The following SIRT7 variants were observed in gnomAD, a reference collection of about 807,000 sequenced individuals.
SIRT7 encodes sirtuin 7, also known as NAD-dependent protein deacetylase sirtuin-7.
Under a neutral mutation model 42.8 loss-of-function variants are expected in SIRT7, and 32 were observed. The ratio of observed to expected loss-of-function variants is 0.75; its 90% CI spans 0.56 to 1.00. The LOEUF is 1.00. Among genes scored for constraint, SIRT7 ranks in the 50% least tolerant of loss-of-function variants. The pLI, the probability that SIRT7 is intolerant of heterozygous loss-of-function variation, is 0.00. For synonymous variants in SIRT7, 297 were observed against 245.2 expected (o/e 1.21, Z -1.97); for missense variants, 553 against 572.2 (o/e 0.97, Z 0.34).
rs2040730551 is a variant in SIRT7, at chr17:81,913,346, A to C, written c.1004+428T>G. 2 of 451,180 alleles carry C rather than the reference A, an allele frequency of 4.4e-6. No individual in the cohort carries two copies. Among genetic ancestry groups the C allele is most frequent in the African/African-American group, 4.0e-5 (2 of 49,716 alleles). The allele number at this position is 451,180 out of a possible 1,614,324, so 27.9% of individuals were successfully genotyped here. ...AAACTTTTTACTCAATACATACACC[A>C]AGTCTAAATTATCACAAATTCTGTA... On this transcript the variant is annotated intron_variant, in intron 9 of 9. Coordinates refer to ENST00000328666, the MANE Select transcript of SIRT7 (RefSeq NM_016538.3). This position sits in a 1 kb window ranked among gnomAD's most constrained non-coding sequence, Gnocchi z 5.0.
Position 81,914,436 on chromosome 17 carries a change from C to A in SIRT7, c.674G>T (p.Cys225Phe). 1 of 1,612,786 alleles carries A rather than the reference C, an allele frequency of 6.2e-7. No individual in the cohort carries two copies. Among genetic ancestry groups the A allele is most frequent in the South Asian group, 1.1e-5 (1 of 91,076 alleles). The change falls in exon 7 of 10, where the codon TGC (cysteine) becomes TTC (phenylalanine). Residue 225 changes from cysteine to phenylalanine, a missense_variant. Physicochemically the swap from Cys to Phe is radical, Grantham distance 205 (BLOSUM62 -2). Coordinates refer to ENST00000328666, the MANE Select transcript of SIRT7 (RefSeq NM_016538.3). ...CCGCAGCTGGGTCCCACACTTGTGG[C>A]AGGTCCGGCCTGTCTGGTGTCTGTG... ...ALHRHQTGRT[C>F]HKCGTQLRDT...
At chr17:81,912,883 C>A in intron 9 of SIRT7, 1 of 528,002 alleles carries the variant, frequency 1.9e-6, no homozygotes, top group South Asian at 2.0e-5. Flanking sequence ...CACCACTGAG[C>A]GGCGTGCACA....
chr17:81,912,518 G>A lies in SIRT7; in HGVS notation c.1101C>T (p.Ala367=), dbSNP rs2040695036. ...RKSLCRSREE[A]PPGDRGAPLS... is the part of the protein sequence containing the mutation. ...GCGGTGCACCCCGGTCCCCAGGCGG[G>A]GCCTCCTCTCTGCTTCTGCACAGCG... Residue 367 remains alanine (A), a synonymous_variant, in exon 10 of 10, where the codon GCC becomes GCT. Coordinates refer to ENST00000328666, the MANE Select transcript of SIRT7 (RefSeq NM_016538.3). 6.2e-7 allele frequency: 1 copy of A among 1,613,842 alleles called. No individual in the cohort carries two copies.
Position 81,917,971 on chromosome 17 carries a change from C to T in SIRT7, c.94-4G>A. 7.5e-7 allele frequency: 1 copy of T among 1,339,632 alleles called. No homozygotes were observed. Among genetic ancestry groups the T allele is most frequent in the East Asian group, 3.2e-5 (1 of 31,670 alleles). 83.0% of individuals were successfully genotyped at this position (1,339,632 alleles called of 1,614,324 possible). ...CCTTCCTCAGGATGCGCGACACCTG[C>T]GGGCAGGCGGACGGTGAGCGGCGGC... On this transcript the variant is annotated splice_region_variant and splice_polypyrimidine_tract_variant and intron_variant, in intron 1 of 9. Coordinates refer to ENST00000328666, the MANE Select transcript of SIRT7 (RefSeq NM_016538.3).
Position 81,912,404 on chromosome 17 carries a change from T to C in SIRT7, c.*12A>G, listed in dbSNP as rs756959045. Reference sequence around the variant, plus strand: ...TCTGCAAAGTGCCAACTGTTCTTCATCGAGCACGTGATTACGTCACTTTCT... The same window carrying C: ...TCTGCAAAGTGCCAACTGTTCTTCACCGAGCACGTGATTACGTCACTTTCT... On this transcript the variant is annotated 3_prime_UTR_variant, in exon 10 of 10. Transcript: ENST00000328666. 1.9e-6 allele frequency: 3 copies of C among 1,614,120 alleles called. No homozygotes were observed. In the South Asian group the frequency reaches 3.3e-5, roughly 18 times the overall value.
At position 81,917,815 on chromosome 17, in the gene SIRT7, G is replaced by C; in HGVS notation, c.231+15C>G. On this transcript the variant is annotated intron_variant, in intron 2 of 9. Coordinates refer to ENST00000328666, the MANE Select transcript of SIRT7 (RefSeq NM_016538.3). The stretch of plus-strand genomic sequence containing the variant: ...CCGAAACCGGGGGCGCCCGCGCGCC[G>C]CACGCGGAACTCGCCTCCTCCTGCC... The C allele has an allele frequency of 7.1e-7, 1 of 1,411,640 alleles. No individual in the cohort carries two copies. Among genetic ancestry groups the C allele is most frequent in the Non-Finnish European group, 9.2e-7 (1 of 1,089,316 alleles). 87.4% of individuals were successfully genotyped at this position (1,411,640 alleles called of 1,614,324 possible). A position where few individuals can be genotyped will look rare whatever the true frequency, so the allele number is the denominator to read the frequency against.
intron 3 of SIRT7, chr17:81,915,940 C>CGGAAG (rs2040789495): frequency 2.0e-6 from 1 of 490,592 alleles, no homozygotes; most frequent in African/African-American, 2.0e-5. Context: ...TGCCTGCCTC[C>CGGAAG]GGAAGCCTCT....
chr17:81,914,262 C>T, intron 7 of SIRT7, 32 bp downstream of exon 7: 1 of 1,611,796 alleles, frequency 6.2e-7, no homozygotes, highest in Non-Finnish European at 8.5e-7. Flanking sequence ...CGGGCAGGGG[C>T]TCGGTTCACT....
At position 81,912,103 on chromosome 17, in the gene SIRT7, C is replaced by G. The variant is rs989153826; in HGVS notation, c.*313G>C. 6.6e-6 allele frequency: 3 copies of G among 452,770 alleles called. No individual in the cohort carries two copies. Among genetic ancestry groups the G allele is most frequent in the Non-Finnish European group, 1.2e-5 (3 of 248,696 alleles). The allele number at this position is 452,770 out of a possible 1,614,324, so 28.0% of individuals were successfully genotyped here. ...GAGGCCCTGAGACTGGCCTGGTGAGCGAGGAAAGGCCGCTGGGCGCTTCCA... is the reference window on the plus strand; with the variant it reads ...GAGGCCCTGAGACTGGCCTGGTGAGGGAGGAAAGGCCGCTGGGCGCTTCCA... On this transcript the variant is annotated 3_prime_UTR_variant, in exon 10 of 10. Transcript: ENST00000328666.
rs1310668350 is a variant in SIRT7 at position 81,913,284 on chromosome 17, C to T, written c.1004+490G>A. The T allele has an allele frequency of 2.2e-6, 1 of 456,284 alleles. No individual in the cohort carries two copies. Among genetic ancestry groups the T allele is most frequent in the Non-Finnish European group, 4.4e-6 (1 of 227,152 alleles). 28.3% of individuals were successfully genotyped at this position (456,284 alleles called of 1,614,324 possible). A position where few individuals can be genotyped will look rare whatever the true frequency, so the allele number is the denominator to read the frequency against. ...GATTAAAAGAAGTTATTGATTTCCC[C>T]TATAAGACCCTGAAAATTCACAGAG... On this transcript the variant is annotated intron_variant, in intron 9 of 9. Coordinates refer to ENST00000328666, the MANE Select transcript of SIRT7 (RefSeq NM_016538.3). The surrounding 1 kb of genome is among the most constrained non-coding windows in gnomAD (Gnocchi z 5.0).
intron 3 of SIRT7, chr17:81,916,905 C>A (rs971746806): frequency 2.0e-5 from 3 of 152,218 alleles, no homozygotes; most frequent in African/African-American, 7.2e-5. Context: ...CTCATTCCAA[C>A]CTTCTGTAAA....
At position 81,913,007 on chromosome 17, in the gene SIRT7, C is replaced by T; in HGVS notation, c.1005-393G>A. ...CGCTGGGGCAGGTGGACCAGACCCT[C>T]TCCCCCTTCCCAGCTGACTAGGGAG... On this transcript the variant is annotated intron_variant, in intron 9 of 9. Transcript: ENST00000328666. The surrounding 1 kb of genome is among the most constrained non-coding windows in gnomAD (Gnocchi z 5.0). 2.7e-6 allele frequency: 1 copy of T among 369,858 alleles called. No homozygotes were observed. The highest frequency in any genetic ancestry group is 7.2e-5 in the East Asian group (1 of 13,940). 22.9% of individuals were successfully genotyped at this position (369,858 alleles called of 1,614,324 possible).
chr17:81,914,569 C>T (rs1311621098), intron 6 of SIRT7, 35 bp downstream of exon 6: 1 of 1,612,438 alleles, frequency 6.2e-7, no homozygotes, highest in Admixed American at 1.7e-5. Flanking sequence ...ACCCGCCTGC[C>T]CATGGAGACC....
intron 3 of SIRT7, chr17:81,916,152 A>AG (rs1163991212): frequency 5.7e-6 from 1 of 174,754 alleles, no homozygotes; most frequent in African/African-American, 2.3e-5. Flanking sequence ...TAACAAAGGC[A>AG]GAACAACTTC....
rs2040753950 is a variant in SIRT7, at chr17:81,914,457, C to T, written c.653G>A (p.Arg218Lys). ...FDVTERTALH[R>K]HQTGRTCHKC... ...GTGGCAGGTCCGGCCTGTCTGGTGT[C>T]TGTGGAGGGCAGTGCGCTCCGTCAC... Residue 218 changes from arginine (R) to lysine (K), a missense_variant, in exon 7 of 10, where the codon AGA (arginine) becomes AAA (lysine). Coordinates refer to ENST00000328666, the MANE Select transcript of SIRT7 (RefSeq NM_016538.3). The T allele has an allele frequency of 3.7e-6, 6 of 1,613,094 alleles. No homozygotes were observed. The highest frequency in any genetic ancestry group is 5.1e-6 in the Non-Finnish European group (6 of 1,180,028).
At chr17:81,914,583 G>T (rs1415791066) in intron 6 of SIRT7, 21 bp downstream of exon 6, 2 of 1,612,694 alleles carry the variant, frequency 1.2e-6, no homozygotes, top group East Asian at 2.2e-5. Flanking sequence ...GGAGACCCTG[G>T]GTCCCTGCAG....
chr17:81,913,185 GAAC>G lies in SIRT7; in HGVS notation c.1005-574_1005-572del. On this transcript the variant is annotated intron_variant, in intron 9 of 9. Transcript: ENST00000328666. This position sits in a 1 kb window ranked among gnomAD's most constrained non-coding sequence, Gnocchi z 5.0. Reference sequence around the variant, plus strand: ...ACAGTACACGATAGCCCACATCACAGAACACCACACACATAACATACAAGAAGT... The same window carrying G: ...ACAGTACACGATAGCCCACATCACAGACCACACACATAACATACAAGAAGT... 2.3e-6 allele frequency: 1 copy of G among 435,062 alleles called. No individual in the cohort carries two copies. The highest frequency in any genetic ancestry group is 4.6e-6 in the Non-Finnish European group (1 of 219,762). 27.0% of individuals were successfully genotyped at this position (435,062 alleles called of 1,614,324 possible). A position where few individuals can be genotyped will look rare whatever the true frequency, so the allele number is the denominator to read the frequency against.
chr17:81,916,098 C>T (rs997463906), intron 3 of SIRT7: 11 of 237,956 alleles, frequency 4.6e-5, no homozygotes, highest in Admixed American at 1.9e-4. Context: ...GTCCAGGCGA[C>T]TGTCCATTCT....
chr17:81,916,873 T>A (rs573471942), intron 3 of SIRT7: 1 of 152,232 alleles, frequency 6.6e-6, no homozygotes, highest in Non-Finnish European at 1.5e-5. Flanking sequence ...GCTGAGCCTC[T>A]GCTGTTCTTT....
Sources: allele counts gnomAD v4.1 joint callset, GRCh38; gene constraint gnomAD v4.1.1; non-coding constraint Gnocchi (gnomAD v3.1); transcripts MANE v1.5; gene names NCBI Gene and HGNC (gene_info 2026-07-23, HGNC 2026-07-21).